RASAL1: variants seen among roughly 807,000 people sequenced by gnomAD.
The protein encoded by RASAL1 is rasGAP-activating-like protein 1.
RASAL1 carries 72 observed loss-of-function variants against 96.6 expected under a neutral mutation model. The ratio of observed to expected loss-of-function variants is 0.75; its 90% CI spans 0.62 to 0.91. The LOEUF (loss-of-function observed/expected upper bound fraction) is 0.91, where lower values mean the gene tolerates loss of function less well. Among genes scored for constraint, RASAL1 ranks in the 40% least tolerant of loss-of-function variants. The pLI is 0.00. For missense variants in RASAL1, 1,016 were observed against 1,072.5 expected, an observed-to-expected ratio of 0.95 and a Z score of 0.74; for synonymous variants, 405 against 430.4, an observed-to-expected ratio of 0.94 and a Z score of 0.73.
intron 19 of RASAL1, among the ~76,000 whole-genome samples, chr12:113,101,210 A>G (rs1405859798): frequency 6.6e-6 from 1 of 152,142 alleles, no homozygotes; most frequent in Non-Finnish European, 1.5e-5. Flanking sequence ...GAAGTCAGGA[A>G]CTGGAGACTA....
rs117480141 is a variant in RASAL1, at chr12:113,135,652, C to A, written c.-190G>T. 5.1e-6 allele frequency: 3 copies of A among 585,928 alleles called. No individual in the cohort carries two copies. Among genetic ancestry groups the A allele is most frequent in the Non-Finnish European group, 9.2e-6 (3 of 326,562 alleles). 36.3% of individuals were successfully genotyped at this position (585,928 alleles called of 1,614,324 possible). On this transcript the variant is annotated 5_prime_UTR_variant, in exon 1 of 21. Transcript: ENST00000548055. This position sits in a 1 kb window ranked among gnomAD's most constrained non-coding sequence, Gnocchi z 5.7. ...AAGGTGTAGGTGCCCGGGGAGGGAG[C>A]GCCCGTCCGGACTCTACAGGTAGGA...
At chr12:113,101,540 T>C (rs539601970) in intron 19 of RASAL1, among the ~76,000 whole-genome samples, 1 of 152,194 alleles carries the variant, frequency 6.6e-6, no homozygotes, top group Non-Finnish European at 1.5e-5. Flanking sequence ...CAAATCTCTG[T>C]CACCAAATAA....
chr12:113,134,751 C>T (rs961367792), intron 1 of RASAL1, among the ~76,000 whole-genome samples: 6 of 152,128 alleles, frequency 3.9e-5, no homozygotes, highest in Non-Finnish European at 7.4e-5. Context: ...TAGGGTCCCC[C>T]AGTCCCATTG....
intron 5 of RASAL1, among the ~76,000 whole-genome samples, chr12:113,120,038 A>G (rs1459543008): frequency 6.6e-6 from 1 of 152,196 alleles, no homozygotes; most frequent in Non-Finnish European, 1.5e-5. Context: ...AAGAGAAAGC[A>G]TGAGGCAGGG....
chr12:113,103,998 G>C lies in RASAL1; in HGVS notation c.2052C>G (p.Pro684=), dbSNP rs1402811436. The change falls in exon 18 of 21, where the codon CCC becomes CCG. Residue 684 remains proline (P), a synonymous_variant. Coordinates refer to ENST00000548055, the MANE Select transcript of RASAL1 (RefSeq NM_001301202.2). ...PNPNKLAACH[P]GAFRSARWTC... ...TCCAGCGCGCGCTGCGGAAGGCACC[G>C]GGGTGGCAGGCGGCCAGCTTGTTCG... 6.4e-6 allele frequency: 10 copies of C among 1,572,240 alleles called. No individual in the cohort carries two copies. The highest frequency in any genetic ancestry group is 4.6e-5 in the South Asian group (4 of 86,184).
intron 16 of RASAL1, among the ~76,000 whole-genome samples, chr12:113,104,819 C>T (rs750587062): frequency 9.9e-5 from 15 of 152,216 alleles, no homozygotes; most frequent in Admixed American, 2.6e-4. Context: ...TAAGTGACAA[C>T]TTCTCTGGGC....
intron 13 of RASAL1, among the ~76,000 whole-genome samples, chr12:113,111,138 A>G (rs1950852850): frequency 6.6e-6 from 1 of 152,094 alleles, no homozygotes; most frequent in African/African-American, 2.4e-5. Flanking sequence ...AACTCACAGC[A>G]TCTGAGTTTT....
chr12:113,132,548 C>T (rs1951762176), intron 1 of RASAL1, among the ~76,000 whole-genome samples: 1 of 152,178 alleles, frequency 6.6e-6, no homozygotes, highest in African/African-American at 2.4e-5. Context: ...TCAAATGGCC[C>T]TCTCCCTCGA....
At chr12:113,132,033 G>C (rs1039338341) in intron 1 of RASAL1, among the ~76,000 whole-genome samples, 1 of 146,998 alleles carries the variant, frequency 6.8e-6, no homozygotes, top group Non-Finnish European at 1.5e-5. Context: ...GTGCAGTGGC[G>C]CGATCTTGGT....
intron 13 of RASAL1, among the ~76,000 whole-genome samples, chr12:113,108,991 C>T (rs528036061): frequency 6.6e-6 from 1 of 151,330 alleles, no homozygotes; most frequent in Non-Finnish European, 1.5e-5. Flanking sequence ...TATGCCACCA[C>T]ACCTGGCCAG....
chr12:113,101,843 C>G, intron 19 of RASAL1, 46 bp downstream of exon 19: 2 of 1,592,974 alleles, frequency 1.3e-6, no homozygotes, highest in Non-Finnish European at 1.7e-6. Flanking sequence ...GGGGGGCTGG[C>G]CTGGCTGGTC....
chr12:113,107,051 T>TC, intron 15 of RASAL1, 46 bp downstream of exon 15: 2 of 1,565,614 alleles, frequency 1.3e-6, no homozygotes, highest in Non-Finnish European at 1.7e-6. Flanking sequence ...GAGTGGTGTC[T>TC]CAACTGGGCT....
intron 8 of RASAL1, among the ~76,000 whole-genome samples, chr12:113,116,623 C>T (rs865801532): frequency 2.0e-5 from 3 of 152,098 alleles, no homozygotes; most frequent in Non-Finnish European, 2.9e-5. Context: ...TAGATGTGGC[C>T]AGTGTACACA....
chr12:113,128,734 C>T (rs1367189968), intron 2 of RASAL1, among the ~76,000 whole-genome samples: 1 of 152,182 alleles, frequency 6.6e-6, no homozygotes. Flanking sequence ...AGCAGATACA[C>T]ATATGCACCC....
chr12:113,132,119 A>C (rs886591692), intron 1 of RASAL1, among the ~76,000 whole-genome samples: 8 of 151,702 alleles, frequency 5.3e-5, no homozygotes, highest in Admixed American at 4.6e-4. Context: ...TTACAGGCAC[A>C]CACCACCACA....
rs1229511186 is a variant in RASAL1, at chr12:113,107,037, C to T, written c.1657+60G>A. ...GGAGCTGGAGGGGGAAAGGGGAAGT[C>T]CCTGAGTGGTGTCTCAACTGGGCTG... On this transcript the variant is annotated intron_variant, in intron 15 of 20. Coordinates refer to ENST00000548055, the MANE Select transcript of RASAL1 (RefSeq NM_001301202.2). The T allele has an allele frequency of 9.8e-6, 15 of 1,531,130 alleles. No homozygotes were observed. The South Asian group carries it at 1.8e-4, about 18-fold the overall frequency. 94.8% of individuals were successfully genotyped at this position (1,531,130 alleles called of 1,614,324 possible).
intron 5 of RASAL1, 88 bp from the exon 6 acceptor site, chr12:113,119,531 G>T (rs901282007): frequency 3.1e-6 from 4 of 1,288,652 alleles, no homozygotes; most frequent in African/African-American, 1.5e-5. Context: ...TTCCAATGTC[G>T]CTGGTTTCCA....
In RASAL1 at chr12:113,135,325, G is replaced by A. The variant is rs1566078732; in HGVS notation, c.65+73C>T. 5.6e-6 allele frequency: 8 copies of A among 1,428,286 alleles called. No individual in the cohort carries two copies. The Admixed American group carries it at 1.0e-4, about 18-fold the overall frequency. 88.5% of individuals were successfully genotyped at this position (1,428,286 alleles called of 1,614,324 possible). On this transcript the variant is annotated intron_variant, in intron 1 of 20. Coordinates refer to ENST00000548055, the MANE Select transcript of RASAL1 (RefSeq NM_001301202.2). This position sits in a 1 kb window ranked among gnomAD's most constrained non-coding sequence, Gnocchi z 5.7. ...CCCTCCTGCCAACCCGCCCTGGCAC[G>A]CGGAAAGGGCGACGTCGGCCCCACC...
At chr12:113,107,052 C>G (rs199908089) in intron 15 of RASAL1, 45 bp downstream of exon 15, 8 of 1,573,966 alleles carry the variant, frequency 5.1e-6, no homozygotes, top group Non-Finnish European at 6.0e-6. Flanking sequence ...AGTGGTGTCT[C>G]AACTGGGCTG....
Sources: gnomAD v4.1 joint callset for allele counts (sites outside exome capture counted in the v4.1 genomes callset) on GRCh38, gnomAD v4.1.1 for gene constraint, Gnocchi (gnomAD v3.1) non-coding constraint, MANE v1.5 for transcripts, NCBI Gene and HGNC (gene_info 2026-07-23, HGNC 2026-07-21) for gene names.